The following NDUFA7 variants were observed in gnomAD, a reference collection of about 807,000 sequenced individuals.
The protein encoded by NDUFA7 is NADH dehydrogenase [ubiquinone] 1 alpha subcomplex subunit 7.
A neutral mutation model predicts 14.2 loss-of-function variants in NDUFA7; 18 were observed. The ratio of observed to expected loss-of-function variants is 1.27; its 90% CI spans 0.88 to 1.88. The LOEUF is 1.88. Among genes scored for constraint, NDUFA7 ranks in the 40% most tolerant of loss-of-function variants. The pLI is 0.00. For synonymous variants in NDUFA7, 75 were observed against 62.1 expected, an observed-to-expected ratio of 1.21 and a Z score of -0.98; for missense variants, 172 against 147.3, an observed-to-expected ratio of 1.17 and a Z score of -0.87.
At chr19:8,320,105 C>A (rs1222419426) in intron 2 of NDUFA7, among the ~76,000 whole-genome samples, 1 of 152,198 alleles carries the variant, frequency 6.6e-6, no homozygotes, top group South Asian at 2.1e-4. Flanking sequence ...CCGCCTGCCT[C>A]AGCCTCCCCA....
At position 8,321,292 on chromosome 19, in the gene NDUFA7, T is replaced by A; in HGVS notation, c.51+16A>T. 1 of 1,560,766 alleles carries A rather than the reference T, an allele frequency of 6.4e-7. No homozygotes were observed. Among genetic ancestry groups the A allele is most frequent in the Non-Finnish European group, 8.6e-7 (1 of 1,156,284 alleles). On this transcript the variant is annotated intron_variant, in intron 1 of 3. Transcript: ENST00000301457. The stretch of plus-strand genomic sequence containing the variant: ...CCCGAAGCCCCCCATGGTGCAGCCC[T>A]GTCCGCCCCGCGCACCCCGGACGCC...
intron 3 of NDUFA7, among the ~76,000 whole-genome samples, chr19:8,313,783 C>A (rs763102164): frequency 6.6e-6 from 1 of 152,230 alleles, no homozygotes; most frequent in Non-Finnish European, 1.5e-5. Context: ...CTGTGAGCCT[C>A]GATTTCCTCT....
At chr19:8,309,455 CAG>C (rs1041622209), downstream of NDUFA7, among the ~76,000 whole-genome samples, 1 of 150,692 alleles carries the variant, frequency 6.6e-6, no homozygotes, top group Non-Finnish European at 1.5e-5. Context: ...GCCTGGGTGA[CAG>C]AGTGAGACTC....
chr19:8,313,997 G>C (rs567676970), intron 3 of NDUFA7, among the ~76,000 whole-genome samples: 1 of 152,324 alleles, frequency 6.6e-6, no homozygotes, highest in Admixed American at 6.5e-5. Flanking sequence ...CTTTTTGAGA[G>C]GAGCCCAAGG....
downstream of NDUFA7, among the ~76,000 whole-genome samples, chr19:8,309,290 T>C (rs1300800212): frequency 2.0e-5 from 3 of 151,964 alleles, no homozygotes; most frequent in South Asian, 2.1e-4. Flanking sequence ...CTGGCCAACA[T>C]AGTAAAACTC....
chr19:8,318,728 C>CT (rs930377911), intron 2 of NDUFA7, among the ~76,000 whole-genome samples: 1 of 140,442 alleles, frequency 7.1e-6, no homozygotes, highest in Non-Finnish European at 1.5e-5. Context: ...AATCCCAGCA[C>CT]TTTGGGAGGC....
At chr19:8,321,169 G>A (rs527373251) in intron 1 of NDUFA7, 139 bp downstream of exon 1, 5 of 1,129,312 alleles carry the variant, frequency 4.4e-6, no homozygotes, top group Admixed American at 2.7e-5. Flanking sequence ...GGGCTGAAGG[G>A]GTGACTAGCT....
At chr19:8,320,002 C>T (rs1407446316) in intron 2 of NDUFA7, among the ~76,000 whole-genome samples, 3 of 152,090 alleles carry the variant, frequency 2.0e-5, no homozygotes, top group Non-Finnish European at 2.9e-5. Context: ...CGCGCCACCA[C>T]GCCCGGCTAA....
At chr19:8,317,508 C>CA (rs1970249364) in intron 2 of NDUFA7, among the ~76,000 whole-genome samples, 2 of 151,940 alleles carry the variant, frequency 1.3e-5, no homozygotes, top group East Asian at 1.9e-4. Flanking sequence ...GACTCCATCT[C>CA]AAAAAACAAA....
intron 2 of NDUFA7, among the ~76,000 whole-genome samples, chr19:8,317,496 G>A (rs1031425043): frequency 3.3e-5 from 5 of 152,108 alleles, no homozygotes; most frequent in African/African-American, 7.2e-5. Context: ...GCGACAGAGC[G>A]AGACTCCATC....
At chr19:8,310,539 G>A (rs1568560912), downstream of NDUFA7, 1 of 152,122 alleles carries the variant, frequency 6.6e-6, no homozygotes. Context: ...AACAGCCAGC[G>A]GTCCTGGGAG....
At chr19:8,317,358 G>A (rs1171595511) in intron 2 of NDUFA7, among the ~76,000 whole-genome samples, 1 of 152,160 alleles carries the variant, frequency 6.6e-6, no homozygotes, top group Admixed American at 6.6e-5. Flanking sequence ...CTTGAGGTCA[G>A]GTGTTCGAAA....
At chr19:8,313,621 T>C (rs1225954492) in intron 3 of NDUFA7, among the ~76,000 whole-genome samples, 1 of 152,244 alleles carries the variant, frequency 6.6e-6, no homozygotes, top group African/African-American at 2.4e-5. Context: ...CTATTTTATA[T>C]GTGAAGAAAC....
At chr19:8,308,664 C>G (rs1349739369), downstream of NDUFA7, 4 of 289,848 alleles carry the variant, frequency 1.4e-5, no homozygotes, top group South Asian at 4.5e-5. Flanking sequence ...CTCCCTCATC[C>G]CACTGCTTTT....
At chr19:8,311,681 A>C in intron 3 of NDUFA7, 86 bp from the exon 4 acceptor site, 2 of 1,145,038 alleles carry the variant, frequency 1.7e-6, no homozygotes, top group Non-Finnish European at 2.5e-6. Flanking sequence ...CGGGACAAAC[A>C]CACCCACAGG....
At chr19:8,321,228 G>C in intron 1 of NDUFA7, 80 bp downstream of exon 1, 2 of 1,420,024 alleles carry the variant, frequency 1.4e-6, no homozygotes, top group Non-Finnish European at 1.9e-6. Flanking sequence ...CGGCTTAGGA[G>C]GGAGGTGAGG....
chr19:8,320,384 A>T (rs956823933), intron 2 of NDUFA7, among the ~76,000 whole-genome samples: 2 of 152,188 alleles, frequency 1.3e-5, no homozygotes, highest in East Asian at 1.9e-4. Context: ...AAGAATGTGG[A>T]TAAGAACTTT....
At chr19:8,311,754 C>T (rs1970180759) in intron 3 of NDUFA7, among the ~76,000 whole-genome samples, 159 bp from the exon 4 acceptor site, 1 of 152,194 alleles carries the variant, frequency 6.6e-6, no homozygotes, top group Non-Finnish European at 1.5e-5. Flanking sequence ...TCCAACGCAG[C>T]CCCTCAGAGG....
downstream of NDUFA7, chr19:8,308,624 CA>C: frequency 2.9e-6 from 1 of 349,488 alleles, no homozygotes; most frequent in Non-Finnish European, 5.2e-6. Flanking sequence ...TTTAATATGG[CA>C]GCCACGCCCC....
Sources: gnomAD v4.1 joint callset for allele counts (sites outside exome capture counted in the v4.1 genomes callset) on GRCh38, gnomAD v4.1.1 for gene constraint, MANE v1.5 for transcripts, NCBI Gene and HGNC (gene_info 2026-07-23, HGNC 2026-07-21) for gene names.